Variants in PALB2 observed in about 807,000 individuals in gnomAD.
The protein encoded by PALB2 is mutant partner and localizer of BRCA2.
In PALB2, 82 loss-of-function variants were observed where a neutral mutation model predicts 107.4. That is an observed-to-expected ratio of 0.76 (90% CI 0.64 to 0.92). The LOEUF (loss-of-function observed/expected upper bound fraction) is 0.92, where lower values mean the gene tolerates loss of function less well. PALB2 is among the 40% of genes least tolerant of loss of function. The pLI is 0.00. For missense variants in PALB2, 1,374 were observed against 1,379.9 expected, an observed-to-expected ratio of 1.00 and a Z score of 0.07; for synonymous variants, 489 against 496.8, an observed-to-expected ratio of 0.98 and a Z score of 0.21.
intron 11 of PALB2, 92 bp downstream of exon 11, chr16:23,613,912 G>A (rs1461628178): frequency 1.1e-6 from 1 of 901,716 alleles, no homozygotes; most frequent in Non-Finnish European, 1.8e-6. Flanking sequence ...ATGCCACGGG[G>A]AAGGTTTGTT....
rs1339412762 is a variant in PALB2 at position 23,624,790 on chromosome 16, C to T, written c.2749-696G>A. ...CCTCTCAAAGTGTTGGGATTACAGG[C>T]GTGAGCCACCTCGCCTGGCCAGAAA... is the stretch of plus-strand genomic sequence containing the variant. On this transcript the variant is annotated intron_variant, in intron 7 of 12. Transcript: ENST00000261584. Among the ~76,000 whole-genome samples the T allele has an allele frequency of 2.6e-5, 4 of 152,136 alleles. 1 individual carries two copies. The highest frequency in any genetic ancestry group is 9.7e-5 in the African/African-American group (4 of 41,428).
chr16:23,611,176 CCT>C (rs1004047685), intron 11 of PALB2, among the ~76,000 whole-genome samples: 1 of 151,954 alleles, frequency 6.6e-6, no homozygotes, highest in Non-Finnish European at 1.5e-5. Flanking sequence ...ACAGAGTCTT[CCT>C]CTGTCGCCCA....
Position 23,629,648 on chromosome 16 carries a change from C to T in PALB2, c.2506G>A (p.Val836Ile), listed in dbSNP as rs536644825. The change falls in exon 5 of 13, where the codon GTC (valine) becomes ATC (isoleucine). Residue 836 changes from valine (V) to isoleucine (I), a missense_variant. By Grantham distance (29) the Val-to-Ile change is conservative (BLOSUM62 3). Transcript: ENST00000261584. ...NTCQELHKHS[V>I]EQTETAELPA... ...GAGGAAATGGATTGTACCTGTTCGA[C>T]GGAATGTTTATGCAGCTCCTGGCAT... The T allele has an allele frequency of 1.6e-5, 26 of 1,613,964 alleles. No individual in the cohort carries two copies. The highest frequency in any genetic ancestry group is 5.0e-5 in the Admixed American group (3 of 60,002).
Position 23,635,806 on chromosome 16 carries a change from G to C in PALB2, c.740C>G (p.Thr247Arg), listed in dbSNP as rs587782658. The change falls in exon 4 of 13, where the codon ACA (threonine) becomes AGA (arginine). Residue 247 changes from threonine (T) to arginine (R), a missense_variant. Physicochemically the swap from Thr to Arg is moderately conservative, Grantham distance 71. Transcript: ENST00000261584. The stretch of plus-strand genomic sequence containing the variant: ...ATCTGATAGAGTCTGTAAAGGAACT[G>C]TAGTCGCCCTGGTGAAATTAGGTCT... ...LRRPNFTRAT[T>R]VPLQTLSDSG... 31 of 1,614,166 alleles carry C rather than the reference G, an allele frequency of 1.9e-5. No individual in the cohort carries two copies. The highest frequency in any genetic ancestry group is 2.5e-5 in the Non-Finnish European group (29 of 1,180,024).
At position 23,626,363 on chromosome 16, in the gene PALB2, G is replaced by A. The variant is rs1440952139; in HGVS notation, c.2621C>T (p.Ala874Val). Residue 874 changes from alanine to valine, a missense_variant, in exon 7 of 13, where the codon GCC (alanine) becomes GTC (valine). By Grantham distance (64) the Ala-to-Val change is moderately conservative. Coordinates refer to ENST00000261584, the MANE Select transcript of PALB2 (RefSeq NM_024675.4). ...PSGSCSVDVSAMFWERAGCKE... is the reference protein window; with the variant it reads ...PSGSCSVDVSVMFWERAGCKE... ...ACAACCGGCTCTTTCCCAAAACATG[G>A]CACTCACATCTACGGAACAGGAACC... is the stretch of plus-strand genomic sequence containing the variant. 1 of 1,614,028 alleles carries A rather than the reference G, an allele frequency of 6.2e-7. No individual in the cohort carries two copies.
chr16:23,626,421 T>G lies in PALB2; in HGVS notation c.2587-24A>C, dbSNP rs1049057913. ...TTCTGACACAATGGCAACAGTTCTG[T>G]TAAAGTGGCACTCGAGTGCTGTTTT... is the stretch of plus-strand genomic sequence containing the variant. On this transcript the variant is annotated intron_variant, in intron 6 of 12. Transcript: ENST00000261584. The G allele has an allele frequency of 3.3e-5, 54 of 1,613,928 alleles. No homozygotes were observed. Among genetic ancestry groups the G allele is most frequent in the Non-Finnish European group, 4.2e-5 (50 of 1,179,942 alleles).
In PALB2 at chr16:23,622,832, CT is replaced by C. The variant is rs1254580289; in HGVS notation, c.2996+136del. The C allele has an allele frequency of 6.3e-6, 6 of 952,912 alleles. No individual in the cohort carries two copies. The African/African-American group carries it at 9.7e-5, about 15-fold the overall frequency. The allele number at this position is 952,912 out of a possible 1,614,324, so 59.0% of individuals were successfully genotyped here. A position where few individuals can be genotyped will look rare whatever the true frequency, so the allele number is the denominator to read the frequency against. On this transcript the variant is annotated intron_variant, in intron 9 of 12. Transcript: ENST00000261584. ...CACTAACCTGCTTCTATGTCATAAC[CT>C]AGTGTTGATGCGGTACATGCTTATA...
At position 23,614,169 on chromosome 16, in the gene PALB2, T is replaced by C. The variant is rs1597073512; in HGVS notation, c.3114-78A>G. On this transcript the variant is annotated intron_variant, in intron 10 of 12. Coordinates refer to ENST00000261584, the MANE Select transcript of PALB2 (RefSeq NM_024675.4). ...TCAGAAAATATTTTCTTATTCATCA[T>C]AGCATGTCTTAGGAGGTGACCAGGG... 4.9e-6 allele frequency: 5 copies of C among 1,023,726 alleles called. No homozygotes were observed. In the South Asian group the frequency reaches 5.4e-5, roughly 11 times the overall value. The allele number at this position is 1,023,726 out of a possible 1,614,324, so 63.4% of individuals were successfully genotyped here. A position where few individuals can be genotyped will look rare whatever the true frequency, so the allele number is the denominator to read the frequency against.
rs749842477 is a variant in PALB2, at chr16:23,630,194, T to C, written c.1960A>G (p.Ile654Val). 4.3e-6 allele frequency: 7 copies of C among 1,614,140 alleles called. No homozygotes were observed. The South Asian group carries it at 7.7e-5, about 18-fold the overall frequency. The part of the protein sequence containing the change: ...GERHLKEGSC[I>V]FPEELSPKRM... The stretch of plus-strand genomic sequence containing the variant: ...TTAGGACTCAGTTCCTCTGGAAAAA[T>C]ACAGCTTCCCTCTTTAAGATGTCTC... Residue 654 changes from isoleucine to valine, a missense_variant, in exon 5 of 13, where the codon ATT (isoleucine) becomes GTT (valine). Transcript: ENST00000261584.
intron 9 of PALB2, 55 bp downstream of exon 9, chr16:23,622,914 T>A (rs913474031): frequency 6.2e-7 from 1 of 1,603,620 alleles, no homozygotes; most frequent in Non-Finnish European, 8.5e-7. Flanking sequence ...CTCTGAAACC[T>A]GTGATAAAAT....
Position 23,623,100 on chromosome 16 carries a change from A to C in PALB2, c.2865T>G (p.Ser955Arg), listed in dbSNP as rs515726102. The C allele has an allele frequency of 6.2e-7, 1 of 1,613,946 alleles. No individual in the cohort carries two copies. The highest frequency in any genetic ancestry group is 8.5e-7 in the Non-Finnish European group (1 of 1,179,958). Reference protein sequence around the residue: ...RALFCSSDDESEKQVLLKSGN... With the variant: ...RALFCSSDDEREKQVLLKSGN... The stretch of plus-strand genomic sequence containing the variant: ...CAGACTTCAGTAGTACTTGCTTTTC[A>C]CTTTCATCATCAGAGGAACAAAACA... The change falls in exon 9 of 13, where the codon AGT (serine) becomes AGG (arginine). Residue 955 changes from serine to arginine, a missense_variant. By Grantham distance (110) the Ser-to-Arg change is moderately radical (BLOSUM62 -1). Coordinates refer to ENST00000261584, the MANE Select transcript of PALB2 (RefSeq NM_024675.4).
rs757397623 is a variant in PALB2, at chr16:23,630,439, G to A, written c.1715C>T (p.Ser572Phe). The A allele has an allele frequency of 2.5e-6, 4 of 1,613,510 alleles. No individual in the cohort carries two copies. The highest frequency in any genetic ancestry group is 1.7e-6 in the Non-Finnish European group (2 of 1,179,758). ...GKKSRHQKED[S>F]LSWSNSAYLS... ...ATAAGCACTATTACTCCAAGAAAGG[G>A]AATCCTCTTTTTGATGACGACTTTT... Residue 572 changes from serine (S) to phenylalanine (F), a missense_variant, in exon 5 of 13, where the codon TCC becomes TTC. By Grantham distance (155) the Ser-to-Phe change is radical (BLOSUM62 -2). Coordinates refer to ENST00000261584, the MANE Select transcript of PALB2 (RefSeq NM_024675.4).
chr16:23,635,739 A>G lies in PALB2; in HGVS notation c.807T>C (p.Gly269=), dbSNP rs180177093. Residue 269 remains glycine (G), a synonymous_variant, in exon 4 of 13, where the codon GGT becomes GGC. Transcript: ENST00000261584. ...SQHLEHIPPK[G]SSELTTHDLK... ...GGTCGTGAGTAGTAAGTTCACTGCT[A>G]CCTTTAGGAGGAATGTGTTCAAGGT... The G allele has an allele frequency of 8.7e-6, 14 of 1,614,150 alleles. No individual in the cohort carries two copies. The highest frequency in any genetic ancestry group is 1.7e-5 in the Admixed American group (1 of 60,006).
intron 12 of PALB2, among the ~76,000 whole-genome samples, chr16:23,605,055 C>G (rs771601597): frequency 6.6e-6 from 1 of 151,998 alleles, no homozygotes; most frequent in Admixed American, 6.6e-5. Flanking sequence ...GCCTGGGCAA[C>G]AGAGAGAAAC....
At chr16:23,606,564 A>G (rs1436450311) in intron 12 of PALB2, among the ~76,000 whole-genome samples, 3 of 152,038 alleles carry the variant, frequency 2.0e-5, no homozygotes, top group Admixed American at 1.3e-4. Context: ...GATTCACTTC[A>G]GCCCAGGCTG....
At chr16:23,634,772 T>C in intron 4 of PALB2, 90 bp downstream of exon 4, 1 of 1,522,652 alleles carries the variant, frequency 6.6e-7, no homozygotes, top group Non-Finnish European at 8.9e-7. Context: ...CTGTCACTTT[T>C]TAGAAAAGAA....
chr16:23,627,284 G>T (rs571734936), intron 6 of PALB2, among the ~76,000 whole-genome samples: 1 of 151,466 alleles, frequency 6.6e-6, no homozygotes, highest in African/African-American at 2.4e-5. Context: ...TCAGGAGATC[G>T]AGACCATCCT....
intron 10 of PALB2, among the ~76,000 whole-genome samples, chr16:23,620,463 A>G (rs1256049287): frequency 6.6e-6 from 1 of 152,168 alleles, no homozygotes; most frequent in Non-Finnish European, 1.5e-5. Context: ...GCTTAAAGCC[A>G]TAATAGGAAT....
At position 23,629,880 on chromosome 16, in the gene PALB2, G is replaced by A. The variant is rs183322618; in HGVS notation, c.2274C>T (p.Pro758=). Residue 758 remains proline (P), a synonymous_variant, in exon 5 of 13, where the codon CCC becomes CCT. Transcript: ENST00000261584. ...TEVAGRTCCT[P]QLAHLKDSVC... is the part of the protein sequence containing the mutation. Reference sequence around the variant, plus strand: ...CTGAGTCTTTCAAATGAGCAAGTTGGGGTGTGCAGCAAGTTCGTCCAGCAA... The same window carrying A: ...CTGAGTCTTTCAAATGAGCAAGTTGAGGTGTGCAGCAAGTTCGTCCAGCAA... 3.1e-6 allele frequency: 5 copies of A among 1,614,136 alleles called. No individual in the cohort carries two copies. The Admixed American group carries it at 6.7e-5, about 22-fold the overall frequency.
Sources: gnomAD v4.1 joint callset for allele counts (sites outside exome capture counted in the v4.1 genomes callset) on GRCh38, gnomAD v4.1.1 for gene constraint, MANE v1.5 for transcripts, NCBI Gene and HGNC (gene_info 2026-07-23, HGNC 2026-07-21) for gene names.